PCDHGB1: variants seen among roughly 807,000 people sequenced by gnomAD.
PCDHGB1 encodes protocadherin gamma-B1.
Under a neutral mutation model 56.6 loss-of-function variants are expected in PCDHGB1, and 34 were observed. The ratio of observed to expected loss-of-function variants is 0.60; its 90% CI spans 0.46 to 0.80. The LOEUF (loss-of-function observed/expected upper bound fraction) is 0.80. PCDHGB1 is among the 30% of genes least tolerant of loss of function. The pLI is 0.00. For synonymous variants in PCDHGB1, 561 were observed against 505.9 expected (o/e 1.11, Z -1.46); for missense variants, 1,278 against 1,204.6 (o/e 1.06, Z -0.90).
chr5:141,444,722 C>T (rs72790051), intron 1 of PCDHGB1, among the ~76,000 whole-genome samples: 3,290 of 152,024 alleles, frequency 0.022, 51 homozygotes, highest in South Asian at 0.038. Flanking sequence ...TGCTTGGTGC[C>T]TTTGTTGAAA....
At position 141,362,552 on chromosome 5, in the gene PCDHGB1, T is replaced by C. The variant is rs190493890; in HGVS notation, c.2409+9883T>C. 340 of 1,612,744 alleles carry C rather than the reference T, an allele frequency of 2.1e-4. 1 individual carries two copies. The East Asian group carries it at 6.1e-3, about 29-fold the overall frequency. ...GTCCCTTTTGCCTCAGATACTATTT[T>C]GAAGGTGAGCTTTAATTAATTTATT... On this transcript the variant is annotated intron_variant, in intron 1 of 3. Transcript: ENST00000523390.
At position 141,428,093 on chromosome 5, in the gene PCDHGB1, C is replaced by T. The variant is rs577985465; in HGVS notation, c.2410-66714C>T. On this transcript the variant is annotated intron_variant, in intron 1 of 3. Transcript: ENST00000523390. ...ATTCGGGACACAACGCTTGGCTGTC[C>T]TACCACGTGCTGCAGGCCATCGAGC... 2.4e-4 allele frequency: 380 copies of T among 1,608,880 alleles called. 2 individuals are homozygous for T. The South Asian group carries it at 4.0e-3, about 17-fold the overall frequency.
chr5:141,361,869 G>T, intron 1 of PCDHGB1: 1 of 1,611,438 alleles, frequency 6.2e-7, no homozygotes, highest in Non-Finnish European at 8.5e-7. Flanking sequence ...TCGATATGGT[G>T]CCACGCGCCG....
At position 141,370,593 on chromosome 5, in the gene PCDHGB1, C is replaced by T. The variant is rs373364003; in HGVS notation, c.2409+17924C>T. On this transcript the variant is annotated intron_variant, in intron 1 of 3. Coordinates refer to ENST00000523390, the MANE Select transcript of PCDHGB1 (RefSeq NM_018922.3). ...GGGGGATTTACCTACTAGGAACCTG[C>T]GGGTTATTGCAGAGAAGAAATTCTT... is the stretch of plus-strand genomic sequence containing the variant. 26 of 1,613,708 alleles carry T rather than the reference C, an allele frequency of 1.6e-5. No homozygotes were observed. The African/African-American group carries it at 2.8e-4, about 17-fold the overall frequency.
At position 141,352,511 on chromosome 5, in the gene PCDHGB1, T is replaced by C. The variant is rs767263704; in HGVS notation, c.2251T>C (p.Cys751Arg). The change falls in exon 1 of 4, where the codon TGT (cysteine) becomes CGT (arginine). Residue 751 changes from cysteine (C) to arginine (R), a missense_variant. Coordinates refer to ENST00000523390, the MANE Select transcript of PCDHGB1 (RefSeq NM_018922.3). Reference sequence around the variant, plus strand: ...GACTTTGCCCTATTCCTACAATCTATGTATTGCCTCTCATTCTGCAAAGAC... The same window carrying C: ...GACTTTGCCCTATTCCTACAATCTACGTATTGCCTCTCATTCTGCAAAGAC... Reference protein sequence around the residue: ...EGTLPYSYNLCIASHSAKTEF... With the variant: ...EGTLPYSYNLRIASHSAKTEF... 3.3e-5 allele frequency: 53 copies of C among 1,613,936 alleles called. No homozygotes were observed. Among genetic ancestry groups the C allele is most frequent in the Non-Finnish European group, 4.2e-5 (50 of 1,179,906 alleles).
rs369793035 is a variant in PCDHGB1, at chr5:141,408,762, A to T, written c.2409+56093A>T. 57 of 1,610,942 alleles carry T rather than the reference A, an allele frequency of 3.5e-5. No homozygotes were observed. The highest frequency in any genetic ancestry group is 4.6e-5 in the Non-Finnish European group (54 of 1,178,454). On this transcript the variant is annotated intron_variant, in intron 1 of 3. Transcript: ENST00000523390. ...TCATTAATGGTTAGAGTTAATTCCG[A>T]TGGTGGCAAATACCCAGAGTTATCT...
At chr5:141,365,118 T>C (rs754097120) in intron 1 of PCDHGB1, 1 of 1,613,888 alleles carries the variant, frequency 6.2e-7, no homozygotes, top group Non-Finnish European at 8.5e-7. Context: ...CGGCTGCTCA[T>C]GCTAACCGCC....
chr5:141,376,348 C>T (rs1293667748), intron 1 of PCDHGB1: 6 of 1,614,184 alleles, frequency 3.7e-6, no homozygotes, highest in Non-Finnish European at 4.2e-6. Context: ...CCTATTCCCA[C>T]GAGGTCTCAC....
rs1049654933 is a variant in PCDHGB1 at position 141,497,808 on chromosome 5, A to G, written c.2468+2943A>G. 2.6e-5 allele frequency among the ~76,000 whole-genome samples: 4 copies of G among 152,282 alleles called. No homozygotes were observed. The East Asian group carries it at 7.7e-4, about 29-fold the overall frequency. Reference sequence around the variant, plus strand: ...ACCTGCTTCAGCTTCCCAAAGTGCTAGAATTACAGGTGTGATCGCCCCCGG... The same window carrying G: ...ACCTGCTTCAGCTTCCCAAAGTGCTGGAATTACAGGTGTGATCGCCCCCGG... On this transcript the variant is annotated intron_variant, in intron 2 of 3. Coordinates refer to ENST00000523390, the MANE Select transcript of PCDHGB1 (RefSeq NM_018922.3).
Position 141,409,903 on chromosome 5 carries a change from G to C in PCDHGB1, c.2409+57234G>C, listed in dbSNP as rs570063514. 6.2e-6 allele frequency: 10 copies of C among 1,613,268 alleles called. No individual in the cohort carries two copies. The South Asian group carries it at 9.9e-5, about 16-fold the overall frequency. ...CACCGCGGGTGCTGTACCCAGCTCTGGGTCCTGACGGCTCCGCGTTCTTCG... is the reference window on the plus strand; with the variant it reads ...CACCGCGGGTGCTGTACCCAGCTCTCGGTCCTGACGGCTCCGCGTTCTTCG... On this transcript the variant is annotated intron_variant, in intron 1 of 3. Coordinates refer to ENST00000523390, the MANE Select transcript of PCDHGB1 (RefSeq NM_018922.3).
chr5:141,390,003 C>A, intron 1 of PCDHGB1: 1 of 1,614,056 alleles, frequency 6.2e-7, no homozygotes, highest in Non-Finnish European at 8.5e-7. Flanking sequence ...GGCCATGATT[C>A]TGGCCATTGC....
At chr5:141,365,587 T>A in intron 1 of PCDHGB1, 1 of 1,613,686 alleles carries the variant, frequency 6.2e-7, no homozygotes, top group Non-Finnish European at 8.5e-7. Context: ...CAGATTATAA[T>A]ATCACTTTAA....
intron 1 of PCDHGB1, among the ~76,000 whole-genome samples, chr5:141,448,975 T>C (rs888432093): frequency 6.6e-6 from 1 of 151,970 alleles, no homozygotes; most frequent in African/African-American, 2.4e-5. Flanking sequence ...AAAAAAGAAC[T>C]TCCATATTAA....
At chr5:141,390,039 C>A (rs2092026934) in intron 1 of PCDHGB1, 2 of 1,614,048 alleles carry the variant, frequency 1.2e-6, no homozygotes, top group Non-Finnish European at 1.7e-6. Flanking sequence ...CTCCTCCAGC[C>A]CCGCCTCCTG....
intron 3 of PCDHGB1, among the ~76,000 whole-genome samples, chr5:141,507,518 A>T (rs1323767789): frequency 6.6e-6 from 1 of 152,132 alleles, no homozygotes; most frequent in African/African-American, 2.4e-5. Flanking sequence ...TGGGGCTATG[A>T]TTCCAGAGAG....
chr5:141,389,607 A>G, intron 1 of PCDHGB1: 1 of 1,613,070 alleles, frequency 6.2e-7, no homozygotes, highest in Non-Finnish European at 8.5e-7. Context: ...GCTCTTCGAT[A>G]TGGTGCCGCA....
In PCDHGB1 at chr5:141,395,071, A is replaced by G. The variant is rs767254764; in HGVS notation, c.2409+42402A>G. 27 of 1,614,100 alleles carry G rather than the reference A, an allele frequency of 1.7e-5. No individual in the cohort carries two copies. Among genetic ancestry groups the G allele is most frequent in the East Asian group, 2.2e-5 (1 of 44,880 alleles). The stretch of plus-strand genomic sequence containing the variant: ...GAGGTACAGGCTTTCCTGCAGACCT[A>G]TTCCCAGGAAGTCTCCCTCACCGCC... On this transcript the variant is annotated intron_variant, in intron 1 of 3. Transcript: ENST00000523390.
chr5:141,367,386 A>T (rs549241556), intron 1 of PCDHGB1: 1 of 152,182 alleles, frequency 6.6e-6, no homozygotes, highest in South Asian at 2.1e-4. Flanking sequence ...AAATACAAAA[A>T]ATTAGCCGGG....
At chr5:141,478,524 C>T in intron 1 of PCDHGB1, 1 of 1,609,844 alleles carries the variant, frequency 6.2e-7, no homozygotes, top group Non-Finnish European at 8.5e-7. Flanking sequence ...GTGTTGGGTG[C>T]AGAGAGCGCC....
Sources: gnomAD v4.1 joint callset for allele counts (sites outside exome capture counted in the v4.1 genomes callset) on GRCh38, gnomAD v4.1.1 for gene constraint, MANE v1.5 for transcripts, NCBI Gene and HGNC (gene_info 2026-07-23, HGNC 2026-07-21) for gene names.